The following LRP5 variants were observed in gnomAD, a reference collection of about 807,000 sequenced individuals.
LRP5 encodes the protein low-density lipoprotein receptor-related protein 5.
Under a neutral mutation model 154.1 loss-of-function variants are expected in LRP5, and 62 were observed. The ratio of observed to expected loss-of-function variants is 0.40; its 90% CI spans 0.33 to 0.50. LRP5 has a LOEUF of 0.50. Ranked by LOEUF, LRP5 falls within the 20% of genes least tolerant of loss-of-function variation. LRP5 has a pLI of 0.55. For synonymous variants in LRP5, 966 were observed against 1,011.5 expected (o/e 0.96, Z 0.85); for missense variants, 1,915 against 2,336.7 (o/e 0.82, Z 3.72).
Position 68,411,328 on chromosome 11 carries a change from G to T in LRP5, c.2319-108G>T. The T allele has an allele frequency of 3.2e-6, 4 of 1,232,206 alleles. No individual in the cohort carries two copies. In the South Asian group the frequency reaches 4.0e-5, roughly 12 times the overall value. 76.3% of individuals were successfully genotyped at this position (1,232,206 alleles called of 1,614,324 possible). On this transcript the variant is annotated intron_variant, in intron 10 of 22. Transcript: ENST00000294304. ...TCCTGCGCGTGGCTTTCTCCAGGACGGGGAGGGCTGAGCTGAAGAGGTGGG... is the reference window on the plus strand; with the variant it reads ...TCCTGCGCGTGGCTTTCTCCAGGACTGGGAGGGCTGAGCTGAAGAGGTGGG...
intron 7 of LRP5, among the ~76,000 whole-genome samples, chr11:68,394,791 T>C (rs2098648334): frequency 6.6e-6 from 1 of 152,156 alleles, no homozygotes; most frequent in East Asian, 1.9e-4. Flanking sequence ...AATCTGTCTG[T>C]ACATCCTCAA....
At chr11:68,431,650 G>A (rs2098671978) in intron 17 of LRP5, among the ~76,000 whole-genome samples, 1 of 152,224 alleles carries the variant, frequency 6.6e-6, no homozygotes, top group African/African-American at 2.4e-5. Flanking sequence ...TTGGCCGTAA[G>A]CAGAGGGGAC....
At chr11:68,380,932 G>T (rs148339213) in intron 5 of LRP5, among the ~76,000 whole-genome samples, 40 of 152,330 alleles carry the variant, frequency 2.6e-4, no homozygotes, top group Non-Finnish European at 5.1e-4. Context: ...TATGCTAAAG[G>T]TCTAACCCCA....
intron 8 of LRP5, among the ~76,000 whole-genome samples, chr11:68,405,557 C>T (rs1352633191): frequency 5.3e-5 from 8 of 151,098 alleles, no homozygotes; most frequent in Middle Eastern, 6.8e-3. Flanking sequence ...AAAAAATAAA[C>T]CCCAGAGATA....
intron 9 of LRP5, among the ~76,000 whole-genome samples, chr11:68,408,784 A>G (rs1319800120): frequency 1.3e-5 from 2 of 152,008 alleles, no homozygotes; most frequent in African/African-American, 4.8e-5. Context: ...ACAGTGGCTC[A>G]TGCCTGTAAT....
intron 11 of LRP5, 52 bp downstream of exon 11, chr11:68,411,672 T>C (rs1252637487): frequency 6.4e-7 from 1 of 1,554,486 alleles, no homozygotes; most frequent in Non-Finnish European, 8.7e-7. Context: ...CAGCCGGGCG[T>C]TGGCCACCTC....
intron 1 of LRP5, among the ~76,000 whole-genome samples, chr11:68,340,674 A>G (rs1176608367): frequency 1.3e-5 from 2 of 152,190 alleles, no homozygotes; most frequent in African/African-American, 2.4e-5. Context: ...TCTCAGCTGG[A>G]GAGCTGACCT....
At chr11:68,420,023 A>G (rs1341294060) in intron 13 of LRP5, among the ~76,000 whole-genome samples, 1 of 151,726 alleles carries the variant, frequency 6.6e-6, no homozygotes, top group African/African-American at 2.4e-5. Flanking sequence ...AAATGGACTC[A>G]AGCAGTCCAC....
At chr11:68,403,744 G>T (rs768149586) in intron 8 of LRP5, 45 bp downstream of exon 8, 7 of 1,608,856 alleles carry the variant, frequency 4.4e-6, no homozygotes, top group Non-Finnish European at 5.9e-6. Flanking sequence ...ATGCAGACTT[G>T]CATGAGGAGG....
At chr11:68,438,357 C>G in intron 19 of LRP5, 89 bp from the exon 20 acceptor site, 1 of 1,267,492 alleles carries the variant, frequency 7.9e-7, no homozygotes, top group Non-Finnish European at 1.2e-6. Context: ...GCAAAGCCAG[C>G]CCCTTCAGGG....
At chr11:68,359,745 T>C (rs890377846) in intron 3 of LRP5, among the ~76,000 whole-genome samples, 1 of 152,034 alleles carries the variant, frequency 6.6e-6, no homozygotes, top group African/African-American at 2.4e-5. Context: ...ATTGGCACAA[T>C]CATGGTTCAC....
chr11:68,416,780 CTT>C (rs1234632572), intron 13 of LRP5, among the ~76,000 whole-genome samples: 1 of 152,200 alleles, frequency 6.6e-6, no homozygotes, highest in East Asian at 1.9e-4. Context: ...CCCCACAGGA[CTT>C]TTGTCTTTTC....
upstream of LRP5, among the ~76,000 whole-genome samples, chr11:68,307,776 C>A (rs984839059): frequency 6.6e-5 from 10 of 152,114 alleles, no homozygotes; most frequent in African/African-American, 2.2e-4. Flanking sequence ...CGTAATCACA[C>A]CACTGCACTC....
chr11:68,340,155 G>A (rs147156519), intron 1 of LRP5, among the ~76,000 whole-genome samples: 2,665 of 152,252 alleles, frequency 0.018, 80 homozygotes, highest in African/African-American at 0.06. Flanking sequence ...TGGGAGAATC[G>A]CTTGAAACTG....
chr11:68,416,657 G>A, intron 13 of LRP5, 130 bp downstream of exon 13: 2 of 848,294 alleles, frequency 2.4e-6, no homozygotes, highest in South Asian at 3.0e-5. Context: ...GATGACTTGG[G>A]CTTCGATTAT....
chr11:68,319,376 T>C (rs1378475975), intron 1 of LRP5, among the ~76,000 whole-genome samples: 1 of 152,130 alleles, frequency 6.6e-6, no homozygotes, highest in African/African-American at 2.4e-5. Flanking sequence ...CCTGCCTGGC[T>C]GATTTTTTAA....
At chr11:68,337,624 C>CAGAT (rs1173936353) in intron 1 of LRP5, among the ~76,000 whole-genome samples, 1 of 152,014 alleles carries the variant, frequency 6.6e-6, no homozygotes, top group African/African-American at 2.4e-5. Context: ...TAACCGCAGC[C>CAGAT]AGATCTTCCT....
chr11:68,409,071 A>ATATAT (rs1324458424), intron 9 of LRP5, among the ~76,000 whole-genome samples: 1 of 52,620 alleles, frequency 1.9e-5, no homozygotes, highest in African/African-American at 1.0e-4. Context: ...AAAAAAAAAA[A>ATATAT]AAATATATAT....
intron 8 of LRP5, chr11:68,404,510 A>G (rs1276654005): frequency 4.1e-6 from 2 of 488,138 alleles, no homozygotes; most frequent in Non-Finnish European, 8.1e-6. Flanking sequence ...TTGAGGGAGC[A>G]GGTTGGGGCA....
Sources: allele counts gnomAD v4.1 joint callset (sites outside exome capture counted in the v4.1 genomes callset), GRCh38; gene constraint gnomAD v4.1.1; transcripts MANE v1.5; gene names NCBI Gene and HGNC (gene_info 2026-07-23, HGNC 2026-07-21).